ATRNL1: variants seen among roughly 807,000 people sequenced by gnomAD.
The protein encoded by ATRNL1 is attractin-like protein 1.
ATRNL1 carries 95 observed loss-of-function variants against 182.7 expected under a neutral mutation model. That is an observed-to-expected ratio of 0.52 (90% CI 0.44 to 0.62). The LOEUF is 0.62. Ranked by LOEUF, ATRNL1 falls within the 20% of genes least tolerant of loss-of-function variation. The pLI is 0.00. For synonymous variants in ATRNL1, 576 were observed against 568.3 expected (o/e 1.01, Z -0.19); for missense variants, 1,471 against 1,679.5 (o/e 0.88, Z 2.17).
intron 25 of ATRNL1, among the ~76,000 whole-genome samples, chr10:115,528,013 C>A (rs1440168342): frequency 4.7e-5 from 3 of 63,956 alleles, no homozygotes; most frequent in Admixed American, 3.7e-4. Flanking sequence ...TTCCTTCCTT[C>A]CTTCCTTCCT....
chr10:115,275,812 A>C (rs557583635), intron 13 of ATRNL1, among the ~76,000 whole-genome samples: 1 of 152,084 alleles, frequency 6.6e-6, no homozygotes, highest in South Asian at 2.1e-4. Flanking sequence ...CCACTCTAAC[A>C]TTCCAATCTC....
intron 26 of ATRNL1, among the ~76,000 whole-genome samples, chr10:115,634,397 A>T (rs1858726161): frequency 6.6e-6 from 1 of 152,192 alleles, no homozygotes; most frequent in Non-Finnish European, 1.5e-5. Flanking sequence ...ACATACATTT[A>T]GATATTGATA....
chr10:115,736,067 G>C (rs1425050436), intron 27 of ATRNL1, among the ~76,000 whole-genome samples: 1 of 126,088 alleles, frequency 7.9e-6, no homozygotes, highest in Non-Finnish European at 1.7e-5. Context: ...TCCTATATTT[G>C]AGGATCCAAG....
chr10:115,333,873 CTCTT>C (rs781803908), intron 18 of ATRNL1, among the ~76,000 whole-genome samples: 17 of 152,264 alleles, frequency 1.1e-4, no homozygotes, highest in South Asian at 2.1e-4. Flanking sequence ...TATTGATTGA[CTCTT>C]TATTATCATG....
chr10:115,417,711 T>C (rs900339206), intron 20 of ATRNL1, among the ~76,000 whole-genome samples: 3 of 152,166 alleles, frequency 2.0e-5, no homozygotes, highest in African/African-American at 7.2e-5. Context: ...TGGGATAGTC[T>C]TCTGGGCTAG....
chr10:115,560,882 T>C (rs77127495), intron 26 of ATRNL1, among the ~76,000 whole-genome samples: 218 of 152,222 alleles, frequency 1.4e-3, no homozygotes, highest in African/African-American at 4.8e-3. Context: ...TTTACAAGGG[T>C]ACCAAGACAA....
intron 19 of ATRNL1, among the ~76,000 whole-genome samples, chr10:115,341,761 T>C: frequency 6.6e-6 from 1 of 152,186 alleles, no homozygotes; most frequent in East Asian, 1.9e-4. Flanking sequence ...TTTATCATTA[T>C]AGAGTGACCT....
chr10:115,903,416 C>A (rs1952412170), intron 28 of ATRNL1, among the ~76,000 whole-genome samples: 1 of 152,166 alleles, frequency 6.6e-6, no homozygotes, highest in African/African-American at 2.4e-5. Flanking sequence ...CTCCCTCCCC[C>A]TGTCTGGTTA....
chr10:115,135,841 T>A (rs1845485076), intron 5 of ATRNL1, among the ~76,000 whole-genome samples: 1 of 151,764 alleles, frequency 6.6e-6, no homozygotes, highest in African/African-American at 2.4e-5. Flanking sequence ...CCTGGTCTTG[T>A]GTGTCATTTT....
chr10:115,526,376 G>A (rs1851216639), intron 25 of ATRNL1, among the ~76,000 whole-genome samples: 2 of 152,142 alleles, frequency 1.3e-5, no homozygotes, highest in Admixed American at 1.3e-4. Context: ...TATTTAGCCA[G>A]TAAATGGTTT....
At chr10:115,736,412 C>T (rs2804168) in intron 27 of ATRNL1, among the ~76,000 whole-genome samples, 144,085 of 152,114 alleles carry the variant, frequency 0.95, 68,712 homozygotes, top group East Asian at 1. Flanking sequence ...TTTTTTAAAT[C>T]TGACAGTTTT....
chr10:115,666,787 AG>A (rs1861024770), intron 26 of ATRNL1, among the ~76,000 whole-genome samples: 1 of 152,124 alleles, frequency 6.6e-6, no homozygotes, highest in Non-Finnish European at 1.5e-5. Flanking sequence ...TAAAGCAAAA[AG>A]TTCTATTGGA....
At chr10:115,181,208 A>G (rs1003564111) in intron 8 of ATRNL1, among the ~76,000 whole-genome samples, 3 of 151,892 alleles carry the variant, frequency 2.0e-5, no homozygotes, top group African/African-American at 7.2e-5. Flanking sequence ...CTAAATGTGC[A>G]AATGTTACAT....
chr10:115,498,477 GTTAA>G (rs1417055271), intron 24 of ATRNL1, among the ~76,000 whole-genome samples: 1 of 151,830 alleles, frequency 6.6e-6, no homozygotes. Flanking sequence ...TTTTTATGTA[GTTAA>G]TTAATGGAAA....
At chr10:115,535,871 C>G (rs2071378905) in intron 25 of ATRNL1, among the ~76,000 whole-genome samples, 1 of 151,606 alleles carries the variant, frequency 6.6e-6, no homozygotes, top group South Asian at 2.1e-4. Context: ...GCTAGAGGTC[C>G]ACTCCAGACC....
At chr10:115,522,559 A>AT (rs1850999121) in intron 25 of ATRNL1, among the ~76,000 whole-genome samples, 1 of 152,162 alleles carries the variant, frequency 6.6e-6, no homozygotes, top group Admixed American at 6.5e-5. Flanking sequence ...TCAAATATTA[A>AT]AACTATAGCA....
rs117238351 is a variant in ATRNL1 at position 115,664,986 on chromosome 10, A to T, written c.3796-62262A>T. Among the ~76,000 whole-genome samples, 1,144 of 152,286 alleles carry T rather than the reference A, an allele frequency of 7.5e-3. 8 individuals carry two copies. The highest frequency in any genetic ancestry group is 0.017 in the Middle Eastern group (5 of 294). ...TTATTTAATTTTAAAGCCAAAGATA[A>T]AATAGTTCAACACAGGAACATTATC... On this transcript the variant is annotated intron_variant, in intron 26 of 28. Transcript: ENST00000355044.
intron 8 of ATRNL1, among the ~76,000 whole-genome samples, chr10:115,209,721 T>C (rs1282432230): frequency 6.6e-6 from 1 of 151,874 alleles, no homozygotes; most frequent in Non-Finnish European, 1.5e-5. Flanking sequence ...GATAAGAACA[T>C]ATGTTTTCTG....
chr10:115,618,109 C>CAT (rs1555021437), intron 26 of ATRNL1, among the ~76,000 whole-genome samples: 1 of 152,182 alleles, frequency 6.6e-6, no homozygotes, highest in Non-Finnish European at 1.5e-5. Context: ...CAGATGTTGT[C>CAT]ATGCTTCTTG....
Sources: allele counts gnomAD v4.1 joint callset (sites outside exome capture counted in the v4.1 genomes callset), GRCh38; gene constraint gnomAD v4.1.1; transcripts MANE v1.5; gene names NCBI Gene and HGNC (gene_info 2026-07-23, HGNC 2026-07-21).